The following PCDHGA3 variants were observed in gnomAD, a reference collection of about 807,000 sequenced individuals.
PCDHGA3 encodes the protein protocadherin gamma-A3.
In PCDHGA3, 40 loss-of-function variants were observed where a neutral mutation model predicts 58.5. That is an observed-to-expected ratio of 0.68 (90% CI 0.53 to 0.89). The LOEUF (loss-of-function observed/expected upper bound fraction) is 0.89. Among genes scored for constraint, PCDHGA3 ranks in the 40% least tolerant of loss-of-function variants. PCDHGA3 has a pLI of 0.00. For synonymous variants in PCDHGA3, 530 were observed against 525.7 expected (o/e 1.01, Z -0.11); for missense variants, 1,223 against 1,195.9 (o/e 1.02, Z -0.33).
intron 1 of PCDHGA3, chr5:141,364,981 C>T (rs756594174): frequency 4.3e-6 from 7 of 1,613,884 alleles, no homozygotes; most frequent in Non-Finnish European, 5.9e-6. Context: ...CTTTAGATGG[C>T]GGAGACCCGG....
intron 1 of PCDHGA3, chr5:141,390,004 T>C (rs749173529): frequency 1.9e-6 from 3 of 1,614,044 alleles, no homozygotes; most frequent in Admixed American, 1.7e-5. Flanking sequence ...GCCATGATTC[T>C]GGCCATTGCC....
intron 1 of PCDHGA3, chr5:141,398,523 A>T (rs988295276): frequency 6.2e-7 from 1 of 1,613,602 alleles, no homozygotes; most frequent in Non-Finnish European, 8.5e-7. Context: ...ACACGCCAAA[A>T]TTCACGCAAA....
Position 141,478,335 on chromosome 5 carries a change from C to T in PCDHGA3, c.2425-16472C>T, listed in dbSNP as rs202213361. On this transcript the variant is annotated intron_variant, in intron 1 of 3. Coordinates refer to ENST00000253812, the MANE Select transcript of PCDHGA3 (RefSeq NM_018916.4). ...AGCTCACTGTACCGAACACCAGGGC[C>T]CTCCTTGCACGCGGACGCCGTGCGG... 4.7e-5 allele frequency: 76 copies of T among 1,613,822 alleles called. No individual in the cohort carries two copies. The highest frequency in any genetic ancestry group is 6.1e-5 in the Non-Finnish European group (72 of 1,180,028).
At chr5:141,460,034 C>T (rs1463167810) in intron 1 of PCDHGA3, among the ~76,000 whole-genome samples, 1 of 152,116 alleles carries the variant, frequency 6.6e-6, no homozygotes, top group African/African-American at 2.4e-5. Context: ...GCCGAGACTG[C>T]ACCACTGCAC....
At chr5:141,414,015 A>C in intron 1 of PCDHGA3, 1 of 1,613,160 alleles carries the variant, frequency 6.2e-7, no homozygotes, top group South Asian at 1.1e-5. Context: ...CCAATGGAGA[A>C]GTGACATATT....
At chr5:141,357,493 A>G in intron 1 of PCDHGA3, 1 of 1,614,200 alleles carries the variant, frequency 6.2e-7, no homozygotes, top group Non-Finnish European at 8.5e-7. Flanking sequence ...GGACTCGCGG[A>G]AGAGTCACCT....
At chr5:141,371,584 A>T in intron 1 of PCDHGA3, 2 of 1,613,962 alleles carry the variant, frequency 1.2e-6, no homozygotes, top group Non-Finnish European at 1.7e-6. Flanking sequence ...ATCGTTCAAG[A>T]TACCAAAAAC....
At chr5:141,470,825 C>G (rs557419577) in intron 1 of PCDHGA3, among the ~76,000 whole-genome samples, 24 of 152,182 alleles carry the variant, frequency 1.6e-4, no homozygotes, top group African/African-American at 4.1e-4. Context: ...GTAGTTAGGA[C>G]GACAAACACA....
chr5:141,509,300 G>A (rs987250093), intron 3 of PCDHGA3, among the ~76,000 whole-genome samples: 5 of 152,216 alleles, frequency 3.3e-5, no homozygotes, highest in African/African-American at 1.2e-4. Flanking sequence ...GGTGGAGGCA[G>A]AGGGAGGCTG....
intron 1 of PCDHGA3, chr5:141,403,573 C>G: frequency 6.2e-7 from 1 of 1,613,946 alleles, no homozygotes; most frequent in South Asian, 1.1e-5. Context: ...AGGCAACTGC[C>G]CACCACCTGG....
chr5:141,410,333 A>G lies in PCDHGA3; in HGVS notation c.2424+63876A>G, dbSNP rs774436706. 4.7e-5 allele frequency: 76 copies of G among 1,613,666 alleles called. No individual in the cohort carries two copies. Among genetic ancestry groups the G allele is most frequent in the Non-Finnish European group, 4.0e-5 (47 of 1,179,884 alleles). ...CTTCCTCCTCGCCGTGATTCTGGCC[A>G]TTGCCTTGCGCCTGCGACGCTCTCT... On this transcript the variant is annotated intron_variant, in intron 1 of 3. Transcript: ENST00000253812.
In PCDHGA3 at chr5:141,356,293, GT is replaced by G. The variant is rs372920279; in HGVS notation, c.2424+9837del. ...CCAGGAATCTTCTTCCCCGGGTACAGTAATTGCACTTTTCAACGTGCATGAC... is the reference window on the plus strand; with the variant it reads ...CCAGGAATCTTCTTCCCCGGGTACAGAATTGCACTTTTCAACGTGCATGAC... On this transcript the variant is annotated intron_variant, in intron 1 of 3. Transcript: ENST00000253812. The G allele has an allele frequency of 3.3e-4, 508 of 1,555,440 alleles. 4 individuals carry two copies. The East Asian group carries it at 0.011, about 35-fold the overall frequency.
chr5:141,455,817 A>G (rs1251279680), intron 1 of PCDHGA3, among the ~76,000 whole-genome samples: 3 of 151,882 alleles, frequency 2.0e-5, no homozygotes, highest in Non-Finnish European at 4.4e-5. Flanking sequence ...AAAACTTCCC[A>G]AGGACCCCTT....
intron 1 of PCDHGA3, chr5:141,350,978 A>C (rs1464156311): frequency 1.2e-6 from 2 of 1,613,956 alleles, no homozygotes; most frequent in Non-Finnish European, 8.5e-7. Context: ...TCCCGTGTTT[A>C]GCCAGGAGGT....
At chr5:141,370,444 T>C in intron 1 of PCDHGA3, 2 of 1,607,792 alleles carry the variant, frequency 1.2e-6, no homozygotes, top group Non-Finnish European at 1.7e-6. Context: ...AGGCGAATGC[T>C]ATTTCTCTTC....
At position 141,489,078 on chromosome 5, in the gene PCDHGA3, G is replaced by A. The variant is rs990356560; in HGVS notation, c.2425-5729G>A. ...GCTCCCCTCCCCCCTGCCCACCCCC[G>A]CCACTCGGTGACTAAGAACTGCTGC... On this transcript the variant is annotated intron_variant, in intron 1 of 3. Transcript: ENST00000253812. The surrounding 1 kb of genome is among the most constrained non-coding windows in gnomAD (Gnocchi z 4.5). 6.9e-5 allele frequency: 11 copies of A among 160,224 alleles called. 1 individual carries two copies. Among genetic ancestry groups the A allele is most frequent in the Admixed American group, 3.7e-4 (4 of 10,708 alleles). The allele number at this position is 160,224 out of a possible 1,614,324, so 9.9% of individuals were successfully genotyped here.
In PCDHGA3 at chr5:141,487,265, G is replaced by A; in HGVS notation, c.2425-7542G>A. 2 of 1,614,158 alleles carry A rather than the reference G, an allele frequency of 1.2e-6. 1 individual carries two copies. Among genetic ancestry groups the A allele is most frequent in the South Asian group, 2.2e-5 (2 of 91,084 alleles). On this transcript the variant is annotated intron_variant, in intron 1 of 3. Transcript: ENST00000253812. The surrounding 1 kb of genome is among the most constrained non-coding windows in gnomAD (Gnocchi z 5.0). Reference sequence around the variant, plus strand: ...AACCCTCTACTTGGCTGTGTCCCTAGTGGCAATTTGCTTTGTCTCCTTTGG... The same window carrying A: ...AACCCTCTACTTGGCTGTGTCCCTAATGGCAATTTGCTTTGTCTCCTTTGG...
At chr5:141,452,281 T>C (rs948141174) in intron 1 of PCDHGA3, among the ~76,000 whole-genome samples, 1 of 152,232 alleles carries the variant, frequency 6.6e-6, no homozygotes, top group African/African-American at 2.4e-5. Flanking sequence ...CCTTTCTTAC[T>C]TTCTGATATA....
At chr5:141,351,310 C>G (rs775069628) in intron 1 of PCDHGA3, 2 of 1,613,816 alleles carry the variant, frequency 1.2e-6, no homozygotes, top group South Asian at 2.2e-5. Flanking sequence ...CCTTCTCTAA[C>G]CAGATTCCAG....
Sources: gnomAD v4.1 joint callset for allele counts (sites outside exome capture counted in the v4.1 genomes callset) on GRCh38, gnomAD v4.1.1 for gene constraint, Gnocchi (gnomAD v3.1) non-coding constraint, MANE v1.5 for transcripts, NCBI Gene and HGNC (gene_info 2026-07-23, HGNC 2026-07-21) for gene names.